FOXN1: variants seen among roughly 807,000 people sequenced by gnomAD.
FOXN1 encodes forkhead box N1.
In FOXN1, 15 loss-of-function variants were observed where a neutral mutation model predicts 49.0. That is an observed-to-expected ratio of 0.31 (90% confidence interval 0.20 to 0.47). The LOEUF (loss-of-function observed/expected upper bound fraction) is 0.47. FOXN1 is among the 20% of genes least tolerant of loss of function. The pLI is 1.00. For synonymous variants in FOXN1, 356 were observed against 369.0 expected (o/e 0.96, Z 0.40); for missense variants, 800 against 842.8 (o/e 0.95, Z 0.63).
chr17:28,533,491 C>T (rs2069967417), intron 6 of FOXN1, among the ~76,000 whole-genome samples: 1 of 150,540 alleles, frequency 6.6e-6, no homozygotes, highest in Admixed American at 6.6e-5. Context: ...GAGCACCCCC[C>T]CCCACTGCCT....
intron 1 of FOXN1, among the ~76,000 whole-genome samples, chr17:28,520,065 G>GT (rs1179173288): frequency 6.6e-6 from 1 of 152,176 alleles, no homozygotes; most frequent in East Asian, 1.9e-4. Context: ...CTCCAGAGAG[G>GT]TAAGTATTTA....
chr17:28,508,021 C>T (rs2069301326), intron 1 of FOXN1, among the ~76,000 whole-genome samples: 1 of 152,158 alleles, frequency 6.6e-6, no homozygotes, highest in East Asian at 1.9e-4. Flanking sequence ...CCGCCCAGCC[C>T]CGCCCCGCCC....
rs183507210 is a variant in FOXN1 at position 28,533,671 on chromosome 17, G to T, written c.928-660G>T. On this transcript the variant is annotated intron_variant, in intron 6 of 8. Transcript: ENST00000579795. ...TGGACCCATGAAGGAGTATCCAGGA[G>T]ACGTTGCTTATGCCAGGATGACACA... Among the ~76,000 whole-genome samples, 492 of 152,298 alleles carry T rather than the reference G, an allele frequency of 3.2e-3. 1 individual carries two copies. Among genetic ancestry groups the T allele is most frequent in the Non-Finnish European group, 4.9e-3 (336 of 68,028 alleles).
chr17:28,533,718 T>A (rs2069976268), intron 6 of FOXN1, among the ~76,000 whole-genome samples: 1 of 152,146 alleles, frequency 6.6e-6, no homozygotes, highest in Non-Finnish European at 1.5e-5. Flanking sequence ...ATGCACATGC[T>A]CATACGCACT....
chr17:28,508,074 G>A (rs911384155), intron 1 of FOXN1, among the ~76,000 whole-genome samples: 5 of 150,078 alleles, frequency 3.3e-5, no homozygotes, highest in African/African-American at 9.7e-5. Context: ...AGGGCCTGCC[G>A]AGGCACGCTG....
chr17:28,529,997 C>A (rs1208151778), intron 5 of FOXN1, among the ~76,000 whole-genome samples: 1 of 148,562 alleles, frequency 6.7e-6, no homozygotes, highest in East Asian at 2.0e-4. Context: ...CTCTCTGAGC[C>A]TCTATTTATT....
intron 6 of FOXN1, among the ~76,000 whole-genome samples, chr17:28,533,243 G>A (rs1333490174): frequency 3.3e-5 from 5 of 152,156 alleles, no homozygotes; most frequent in Admixed American, 1.3e-4. Flanking sequence ...GAATGAGGGC[G>A]AAGGAGCCCC....
In FOXN1 at chr17:28,529,197, T is replaced by A; in HGVS notation, c.803T>A (p.Leu268His). 1 of 1,614,150 alleles carries A rather than the reference T, an allele frequency of 6.2e-7. No individual in the cohort carries two copies. Among genetic ancestry groups the A allele is most frequent in the Non-Finnish European group, 8.5e-7 (1 of 1,180,002 alleles). ...PQASTDGHQPLFPKPIYSYSI... is the reference protein window; with the variant it reads ...PQASTDGHQPHFPKPIYSYSI... ...GCCAGCACCGATGGGCACCAGCCTC[T>A]CTTCCCAAAACCCATCTATTCCTAC... The change falls in exon 5 of 9, where the codon CTC (leucine) becomes CAC (histidine). Residue 268 changes from leucine to histidine, a missense_variant. This residue lies in a region of FOXN1 where 383 missense variants were observed against 357.9 expected (regional missense o/e 1.07). Coordinates refer to ENST00000579795, the MANE Select transcript of FOXN1 (RefSeq NM_001369369.1).
intron 1 of FOXN1, among the ~76,000 whole-genome samples, chr17:28,522,287 G>T (rs866206334): frequency 3.3e-5 from 5 of 152,310 alleles, no homozygotes; most frequent in African/African-American, 7.2e-5. Context: ...GGCCACTTGG[G>T]CAAAGAGAAG....
At chr17:28,535,396 G>A (rs950033664) in intron 8 of FOXN1, among the ~76,000 whole-genome samples, 198 bp downstream of exon 8, 3 of 152,202 alleles carry the variant, frequency 2.0e-5, no homozygotes, top group African/African-American at 7.2e-5. Context: ...AAAGAGGGAT[G>A]TCCTTGCCCC....
chr17:28,527,143 C>A (rs2151489833), intron 3 of FOXN1, 108 bp from the exon 4 acceptor site: 2 of 758,048 alleles, frequency 2.6e-6, no homozygotes, highest in East Asian at 2.7e-5. Context: ...CAGGAATAAG[C>A]TTTGGGGGAA....
Position 28,534,094 on chromosome 17 carries a change from G to A in FOXN1, c.928-237G>A, listed in dbSNP as rs933103069. ...CTCTGAGGGGTCAGGAAGGGATGCGGGTGGGATGAAGGCAGATTTGAGATG... is the reference window on the plus strand; with the variant it reads ...CTCTGAGGGGTCAGGAAGGGATGCGAGTGGGATGAAGGCAGATTTGAGATG... On this transcript the variant is annotated intron_variant, in intron 6 of 8. Coordinates refer to ENST00000579795, the MANE Select transcript of FOXN1 (RefSeq NM_001369369.1). The surrounding 1 kb of genome is among the most constrained non-coding windows in gnomAD (Gnocchi z 4.1). Among the ~76,000 whole-genome samples, 1 of 152,180 alleles carries A rather than the reference G, an allele frequency of 6.6e-6. No individual in the cohort carries two copies. Among genetic ancestry groups the A allele is most frequent in the African/African-American group, 2.4e-5 (1 of 41,432 alleles).
Position 28,538,420 on chromosome 17 carries a change from C to A in FOXN1, c.*984C>A, listed in dbSNP as rs1238411202. On this transcript the variant is annotated 3_prime_UTR_variant, in exon 9 of 9. Coordinates refer to ENST00000579795, the MANE Select transcript of FOXN1 (RefSeq NM_001369369.1). ...AATACACATTCAGTATGTTCCTCGA[C>A]TTAGGATGCGGTTATGTCCGATAAA... 1 of 152,224 alleles carries A rather than the reference C, an allele frequency of 6.6e-6. No homozygotes were observed. Among genetic ancestry groups the A allele is most frequent in the East Asian group, 1.9e-4 (1 of 5,200 alleles). 9.4% of individuals were successfully genotyped at this position (152,224 alleles called of 1,614,324 possible).
chr17:28,538,103 A>G lies in FOXN1; in HGVS notation c.*667A>G, dbSNP rs2070116005. 1 of 155,082 alleles carries G rather than the reference A, an allele frequency of 6.4e-6. No homozygotes were observed. 9.6% of individuals were successfully genotyped at this position (155,082 alleles called of 1,614,324 possible). On this transcript the variant is annotated 3_prime_UTR_variant, in exon 9 of 9. Transcript: ENST00000579795. ...GCACCCACTCAGCCATTCTCTACCC[A>G]TCCTTAGTACATGCTCTGTCCAGCT...
rs182165446 is a variant in FOXN1 at position 28,531,146 on chromosome 17, C to T, written c.927+301C>T. Among the ~76,000 whole-genome samples, 11 of 152,340 alleles carry T rather than the reference C, an allele frequency of 7.2e-5. No homozygotes were observed. The East Asian group carries it at 1.9e-3, about 27-fold the overall frequency. Reference sequence around the variant, plus strand: ...CCGATGGGCCTCAGGGAGCATCCACCTACCCCAAGTGGGAAGAGAAAGTTG... The same window carrying T: ...CCGATGGGCCTCAGGGAGCATCCACTTACCCCAAGTGGGAAGAGAAAGTTG... On this transcript the variant is annotated intron_variant, in intron 6 of 8. Transcript: ENST00000579795.
At chr17:28,518,580 G>C (rs1350774695) in intron 1 of FOXN1, among the ~76,000 whole-genome samples, 1 of 152,120 alleles carries the variant, frequency 6.6e-6, no homozygotes, top group African/African-American at 2.4e-5. Flanking sequence ...TTTCTCACTC[G>C]TCATCCCCTC....
chr17:28,530,462 T>G (rs2069883729), intron 5 of FOXN1, among the ~76,000 whole-genome samples: 1 of 152,208 alleles, frequency 6.6e-6, no homozygotes, highest in Non-Finnish European at 1.5e-5. Flanking sequence ...ATTACTTTCT[T>G]CACTTCAAAG....
chr17:28,521,867 C>A (rs2069648874), intron 1 of FOXN1, among the ~76,000 whole-genome samples: 1 of 152,250 alleles, frequency 6.6e-6, no homozygotes, highest in Non-Finnish European at 1.5e-5. Flanking sequence ...ACCACGGGGC[C>A]AATGAGGCCA....
chr17:28,513,475 A>T (rs565618172), intron 1 of FOXN1, among the ~76,000 whole-genome samples: 24 of 152,364 alleles, frequency 1.6e-4, no homozygotes, highest in Middle Eastern at 3.4e-3. Context: ...CCATCCGATG[A>T]TCTGTCCATT....
Sources: gnomAD v4.1 joint callset for allele counts (sites outside exome capture counted in the v4.1 genomes callset) on GRCh38, gnomAD v4.1.1 for gene constraint, gnomAD v4.1.1 regional missense constraint, Gnocchi (gnomAD v3.1) non-coding constraint, MANE v1.5 for transcripts, NCBI Gene and HGNC (gene_info 2026-07-23, HGNC 2026-07-21) for gene names.